OTOA: variants seen among roughly 807,000 people sequenced by gnomAD.
OTOA encodes the protein otoancorin, also known as cancer/testis antigen 108.
A neutral mutation model predicts 110.8 loss-of-function variants in OTOA; 70 were observed. The ratio of observed to expected loss-of-function variants is 0.63; its 90% confidence interval spans 0.52 to 0.77. The LOEUF is 0.77. Ranked by LOEUF, OTOA falls within the 30% of genes least tolerant of loss-of-function variation. The pLI is 0.00. For synonymous variants in OTOA, 373 were observed against 431.5 expected, an observed-to-expected ratio of 0.86 and a Z score of 1.68; for missense variants, 917 against 1,075.8, an observed-to-expected ratio of 0.85 and a Z score of 2.06.
chr16:21,704,522 G>A lies in OTOA; in HGVS notation c.981-647G>A, dbSNP rs192819094. Among the ~76,000 whole-genome samples the A allele has an allele frequency of 1.4e-3, 217 of 152,298 alleles. 1 individual carries two copies. The highest frequency in any genetic ancestry group is 1.4e-3 in the Non-Finnish European group (97 of 68,022). ...ACCTGCCTTGTAGGGTTGCTGTAAT[G>A]AGATAATGCAGGTAAACGGCTCAGT... is the stretch of plus-strand genomic sequence containing the variant. On this transcript the variant is annotated intron_variant, in intron 11 of 28. Transcript: ENST00000646100.
At chr16:21,700,721 T>G (rs1898034399) in intron 10 of OTOA, among the ~76,000 whole-genome samples, 167 bp from the exon 11 acceptor site, 1 of 73,362 alleles carries the variant, frequency 1.4e-5, no homozygotes, top group Non-Finnish European at 2.9e-5. Flanking sequence ...TGAGACTCCA[T>G]CTCAAAAAAA....
chr16:21,717,798 C>T (rs1898603642), intron 15 of OTOA, among the ~76,000 whole-genome samples: 1 of 152,114 alleles, frequency 6.6e-6, no homozygotes, highest in African/African-American at 2.4e-5. Flanking sequence ...GCACTGCTCA[C>T]AGTGCTGAGT....
At chr16:21,674,271 G>C (rs1210107596) in intron 1 of OTOA, among the ~76,000 whole-genome samples, 1 of 152,100 alleles carries the variant, frequency 6.6e-6, no homozygotes, top group Non-Finnish European at 1.5e-5. Context: ...GAGTGATCCA[G>C]TTTCTCCTCA....
Position 21,700,930 on chromosome 16 carries a change from G to C in OTOA, c.883G>C (p.Asp295His). The C allele has an allele frequency of 6.2e-7, 1 of 1,614,022 alleles. No individual in the cohort carries two copies. The highest frequency in any genetic ancestry group is 1.1e-5 in the South Asian group (1 of 91,074). Residue 295 changes from aspartate (D) to histidine (H), a missense_variant, in exon 11 of 29, where the codon GAC (aspartate) becomes CAC (histidine). Transcript: ENST00000646100. ...CTATGACAACGCCACCAAGCAGCTG[G>C]ACATGGTCTATGACATCACACCTGA... The part of the protein sequence containing the change: ...ISYDNATKQL[D>H]MVYDITPELA...
chr16:21,713,740 G>A (rs1277850013), intron 13 of OTOA, among the ~76,000 whole-genome samples: 1 of 152,102 alleles, frequency 6.6e-6, no homozygotes, highest in Non-Finnish European at 1.5e-5. Flanking sequence ...CATGACCAAT[G>A]CCCACGCACT....
intron 21 of OTOA, among the ~76,000 whole-genome samples, chr16:21,735,480 G>A (rs1396162681): frequency 6.6e-6 from 1 of 151,984 alleles, no homozygotes; most frequent in Non-Finnish European, 1.5e-5. Flanking sequence ...CAACACTGGG[G>A]ATTACATTTC....
In OTOA at chr16:21,715,083, C is replaced by T. The variant is rs1248656513; in HGVS notation, c.1419C>T (p.Val473=). ...TGAAACGCAAGGACATCTCGCAGGT[C>T]CTGAGAAGTGCCGTCTCCCAGTATG... ...CSMKRKDISQ[V]LRSAVSQYVS... is the part of the protein sequence containing the mutation. Residue 473 remains valine (V), a synonymous_variant, in exon 14 of 29, where the codon GTC becomes GTT. Transcript: ENST00000646100. The T allele has an allele frequency of 1.2e-6, 2 of 1,614,094 alleles. No homozygotes were observed. The highest frequency in any genetic ancestry group is 1.1e-5 in the South Asian group (1 of 91,084).
Position 21,715,102 on chromosome 16 carries a change from C to T in OTOA, c.1438C>T (p.Gln480Ter), listed in dbSNP as rs773243260. Residue 480 changes from glutamine (Q) to a stop codon, truncating the protein, a stop_gained, in exon 14 of 29, where the codon CAG becomes TAG. Coordinates refer to ENST00000646100, the MANE Select transcript of OTOA (RefSeq NM_144672.4). LOFTEE classifies it high-confidence loss of function. ...GCAGGTCCTGAGAAGTGCCGTCTCC[C>T]AGTATGTATCCGACTTGTCACCTGC... Reference protein sequence around the residue: ...ISQVLRSAVSQYVSDLSPAQQ... With the variant: ...ISQVLRSAVS 1 of 1,614,208 alleles carries T rather than the reference C, an allele frequency of 6.2e-7. No homozygotes were observed. Among genetic ancestry groups the T allele is most frequent in the Non-Finnish European group, 8.5e-7 (1 of 1,180,030 alleles).
intron 18 of OTOA, among the ~76,000 whole-genome samples, chr16:21,724,600 G>T (rs1898856715): frequency 6.6e-6 from 1 of 152,138 alleles, no homozygotes; most frequent in African/African-American, 2.4e-5. Context: ...TGAATGGAAA[G>T]AAGGGAGACA....
chr16:21,759,053 A>G (rs1479689687), intron 28 of OTOA, among the ~76,000 whole-genome samples: 1 of 152,140 alleles, frequency 6.6e-6, no homozygotes, highest in South Asian at 2.1e-4. Context: ...TGATATGCAT[A>G]TATTTGAAAG....
chr16:21,704,474 T>C (rs1898114054), intron 11 of OTOA, among the ~76,000 whole-genome samples: 1 of 152,172 alleles, frequency 6.6e-6, no homozygotes, highest in African/African-American at 2.4e-5. Flanking sequence ...TTTCCCCATC[T>C]GTGAAATGGG....
Position 21,715,242 on chromosome 16 carries a change from C to G in OTOA, c.1488+90C>G, listed in dbSNP as rs115671850. On this transcript the variant is annotated intron_variant, in intron 14 of 28. Coordinates refer to ENST00000646100, the MANE Select transcript of OTOA (RefSeq NM_144672.4). ...TGGGCTGTGACTTTGGGCCATGAAC[C>G]CAGGGCTGGGATTGTCTCAGCTGTT... The G allele has an allele frequency of 1.1e-3, 1,664 of 1,556,698 alleles. 18 individuals are homozygous for G. The African/African-American group carries it at 0.017, about 16-fold the overall frequency.
chr16:21,687,805 AC>A (rs1897749732), intron 8 of OTOA, among the ~76,000 whole-genome samples, 157 bp downstream of exon 8: 2 of 151,562 alleles, frequency 1.3e-5, no homozygotes, highest in African/African-American at 4.8e-5. Flanking sequence ...AGCTGGGACT[AC>A]AGGGGCGCCT....
intron 11 of OTOA, among the ~76,000 whole-genome samples, chr16:21,704,679 G>A (rs1007771712): frequency 5.3e-5 from 8 of 152,102 alleles, no homozygotes; most frequent in Non-Finnish European, 7.4e-5. Flanking sequence ...TTGCCCATGC[G>A]CAATGGAAAA....
intron 27 of OTOA, among the ~76,000 whole-genome samples, chr16:21,756,392 A>T (rs1899986597): frequency 6.6e-6 from 1 of 152,134 alleles, no homozygotes; most frequent in Non-Finnish European, 1.5e-5. Context: ...GATCAGAATC[A>T]GTCAGCAGAG....
chr16:21,701,198 A>G (rs1399917250), intron 11 of OTOA, 171 bp downstream of exon 11: 3 of 936,760 alleles, frequency 3.2e-6, no homozygotes, highest in South Asian at 1.5e-5. Context: ...AACTTTTTTT[A>G]TGAAGAGGTT....
chr16:21,678,483 A>G, intron 1 of OTOA, 28 bp from the exon 2 acceptor site: 1 of 1,493,588 alleles, frequency 6.7e-7, no homozygotes, highest in Non-Finnish European at 9.3e-7. Flanking sequence ...AAAAACATGA[A>G]TCACTTCTAT....
chr16:21,668,574 C>T (rs1966845127), intron 1 of OTOA, among the ~76,000 whole-genome samples: 2 of 150,316 alleles, frequency 1.3e-5, no homozygotes, highest in African/African-American at 4.9e-5. Flanking sequence ...GATTCTCCTG[C>T]CTCAGCCTCC....
intron 21 of OTOA, among the ~76,000 whole-genome samples, chr16:21,735,254 T>A (rs1899251529): frequency 6.6e-6 from 1 of 151,766 alleles, no homozygotes; most frequent in Non-Finnish European, 1.5e-5. Flanking sequence ...CTCAGGAAAC[T>A]TACAATCATG....
Sources: gnomAD v4.1 joint callset for allele counts (sites outside exome capture counted in the v4.1 genomes callset) on GRCh38, gnomAD v4.1.1 for gene constraint, MANE v1.5 for transcripts, NCBI Gene and HGNC (gene_info 2026-07-23, HGNC 2026-07-21) for gene names.